CCDC33: variants seen among roughly 807,000 people sequenced by gnomAD.
CCDC33 encodes the protein coiled-coil domain containing 33.
A neutral mutation model predicts 91.9 loss-of-function variants in CCDC33; 94 were observed. The ratio of observed to expected loss-of-function variants is 1.02; its 90% CI spans 0.87 to 1.21. The LOEUF is 1.21. Ranked by LOEUF, CCDC33 falls within the 50% of genes most tolerant of loss-of-function variation. The pLI, the probability that CCDC33 is intolerant of heterozygous loss-of-function variation, is 0.00. For missense variants in CCDC33, 940 were observed against 935.5 expected (o/e 1.00, Z -0.06); for synonymous variants, 396 against 374.5 (o/e 1.06, Z -0.66).
upstream of CCDC33, among the ~76,000 whole-genome samples, chr15:74,232,945 C>A (rs992360585): frequency 6.6e-6 from 1 of 152,224 alleles, no homozygotes; most frequent in Admixed American, 6.5e-5. Context: ...GACCAGATAT[C>A]ATCCCAGGCC....
chr15:74,306,925 C>G (rs1022566906), intron 11 of CCDC33, among the ~76,000 whole-genome samples: 9 of 152,212 alleles, frequency 5.9e-5, no homozygotes, highest in Non-Finnish European at 1.3e-4. Flanking sequence ...GACCCCTCCC[C>G]TCCTGGGCCT....
Position 74,288,348 on chromosome 15 carries a change from G to A in CCDC33, c.1095+6499G>A, listed in dbSNP as rs571452316. ...TTCCTCTTCCTCTTTGTAGCACTTGGTTTCTGATTCTTGTCCTGCTGATTG... is the reference window on the plus strand; with the variant it reads ...TTCCTCTTCCTCTTTGTAGCACTTGATTTCTGATTCTTGTCCTGCTGATTG... On this transcript the variant is annotated intron_variant, in intron 10 of 18. Transcript: ENST00000398814. 3.3e-5 allele frequency among the ~76,000 whole-genome samples: 5 copies of A among 152,242 alleles called. No individual in the cohort carries two copies. In the South Asian group the frequency reaches 6.2e-4, roughly 19 times the overall value.
rs147532516 is a variant in CCDC33 at position 74,316,735 on chromosome 15, C to T, written c.1291-13454C>T. Among the ~76,000 whole-genome samples the T allele has an allele frequency of 3.3e-4, 51 of 152,294 alleles. No individual in the cohort carries two copies. The highest frequency in any genetic ancestry group is 1.2e-3 in the African/African-American group (51 of 41,554). On this transcript the variant is annotated intron_variant, in intron 11 of 18. Transcript: ENST00000398814. The surrounding 1 kb of genome is among the most constrained non-coding windows in gnomAD (Gnocchi z 4.7). The stretch of plus-strand genomic sequence containing the variant: ...TGGAGGGGTGCTAGACCCTCCAGAG[C>T]CCCTCATGAGAGTTGCACAGAGGAG...
chr15:74,259,649 G>A (rs1195045480), intron 2 of CCDC33, among the ~76,000 whole-genome samples: 1 of 152,154 alleles, frequency 6.6e-6, no homozygotes, highest in Admixed American at 6.5e-5. Flanking sequence ...TCTGCTGGAG[G>A]AAAGTCAGCA....
chr15:74,318,659 G>A, intron 11 of CCDC33: 2 of 769,798 alleles, frequency 2.6e-6, no homozygotes, highest in Middle Eastern at 2.3e-4. Context: ...CAGCTTCTCT[G>A]TAAGTCGCCC....
At chr15:74,226,613 G>C (rs761083411) in intron 2 of CCDC33, among the ~76,000 whole-genome samples, 1 of 152,124 alleles carries the variant, frequency 6.6e-6, no homozygotes, top group Non-Finnish European at 1.5e-5. Context: ...CAGATCACAA[G>C]GTCAAGAGTT....
intron 11 of CCDC33, among the ~76,000 whole-genome samples, chr15:74,323,347 C>CATAATTTATA (rs763046915): frequency 3.9e-4 from 59 of 151,934 alleles, no homozygotes; most frequent in Admixed American, 7.2e-4. Context: ...ACATATAGAA[C>CATAATTTATA]ATAATTATTA....
chr15:74,210,850 C>G (rs2074356705), intron 2 of CCDC33, among the ~76,000 whole-genome samples: 1 of 152,154 alleles, frequency 6.6e-6, no homozygotes, highest in African/African-American at 2.4e-5. Flanking sequence ...GAGAGGTGTT[C>G]TCTTTACCCC....
chr15:74,278,024 A>G (rs558515717), intron 7 of CCDC33, among the ~76,000 whole-genome samples: 1 of 152,172 alleles, frequency 6.6e-6, no homozygotes, highest in Non-Finnish European at 1.5e-5. Context: ...TTTGGGGATC[A>G]ATCTTGAAAG....
chr15:74,332,870 G>A, intron 16 of CCDC33, 25 bp downstream of exon 16: 1 of 1,606,816 alleles, frequency 6.2e-7, no homozygotes, highest in South Asian at 1.1e-5. Flanking sequence ...ACCTGGGCCT[G>A]CCTATGCCGG....
At chr15:74,311,625 G>A (rs1456862657) in intron 11 of CCDC33, 1 of 152,248 alleles carries the variant, frequency 6.6e-6, no homozygotes, top group Non-Finnish European at 1.5e-5. Context: ...ATTCAAGCTG[G>A]TGTTAGGGGA....
chr15:74,264,543 G>T (rs766336002), intron 3 of CCDC33, among the ~76,000 whole-genome samples: 3 of 152,108 alleles, frequency 2.0e-5, no homozygotes, highest in Non-Finnish European at 4.4e-5. Flanking sequence ...GTTCAACCTT[G>T]GCAAATCCCA....
At chr15:74,257,528 G>A (rs535052673) in intron 2 of CCDC33, among the ~76,000 whole-genome samples, 2 of 152,296 alleles carry the variant, frequency 1.3e-5, no homozygotes, top group African/African-American at 4.8e-5. Context: ...CCTCCTGCCT[G>A]CCTGGCTTCA....
intron 11 of CCDC33, among the ~76,000 whole-genome samples, chr15:74,296,813 C>T (rs2059696947): frequency 6.6e-6 from 1 of 152,108 alleles, no homozygotes; most frequent in Admixed American, 6.6e-5. Context: ...GCCCTCGATG[C>T]AGAGAGCTAA....
rs752405716 is a variant in CCDC33, at chr15:74,218,746, G to A, written c.560G>A (p.Ser187Asn). 7.8e-7 allele frequency: 1 copy of A among 1,289,778 alleles called. No individual in the cohort carries two copies. The highest frequency in any genetic ancestry group is 5.6e-5 in the East Asian group (1 of 18,014). The allele number at this position is 1,289,778 out of a possible 1,614,324, so 79.9% of individuals were successfully genotyped here. A position where few individuals can be genotyped will look rare whatever the true frequency, so the allele number is the denominator to read the frequency against. ...CGACACTGTGGGAGCCTGGCCTACA[G>A]TGTGGCCTTCCACGTCCACCGGGGC... Residue 187 changes from serine to asparagine, a missense_variant, in exon 2 of 3, where the codon AGT (serine) becomes AAT (asparagine). Physicochemically the swap from Ser to Asn is conservative, Grantham distance 46. Coordinates refer to the CCDC33 transcript ENST00000635913. This position sits in a 1 kb window ranked among gnomAD's most constrained non-coding sequence, Gnocchi z 4.8.
rs2074501215 is a variant in CCDC33, at chr15:74,218,330, G to A, written c.311-167G>A. ...AGCAAAGGGAGGGAGCCATGGGTGG[G>A]GCCTAGGAGGGAGTCGCCTACCAGG... On this transcript the variant is annotated intron_variant, in intron 1 of 2. Coordinates refer to the CCDC33 transcript ENST00000635913. The surrounding 1 kb of genome is among the most constrained non-coding windows in gnomAD (Gnocchi z 4.8). 6.6e-6 allele frequency among the ~76,000 whole-genome samples: 1 copy of A among 152,132 alleles called. No homozygotes were observed. Among genetic ancestry groups the A allele is most frequent in the Non-Finnish European group, 1.5e-5 (1 of 68,012 alleles).
At chr15:74,324,195 T>A (rs908639229) in intron 11 of CCDC33, among the ~76,000 whole-genome samples, 4 of 151,838 alleles carry the variant, frequency 2.6e-5, no homozygotes, top group Admixed American at 1.3e-4. Flanking sequence ...CTGGCCTAAA[T>A]TTTCTATTTT....
At chr15:74,269,658 G>A (rs931292620) in intron 5 of CCDC33, among the ~76,000 whole-genome samples, 1 of 152,186 alleles carries the variant, frequency 6.6e-6, no homozygotes, top group African/African-American at 2.4e-5. Flanking sequence ...TAGGGCTGCT[G>A]TGGAGCTGCC....
chr15:74,229,058 G>A (rs544301638), intron 2 of CCDC33, among the ~76,000 whole-genome samples: 1 of 152,290 alleles, frequency 6.6e-6, no homozygotes, highest in African/African-American at 2.4e-5. Flanking sequence ...CCTGTCCAGT[G>A]GGCGAGGTAC....
Sources: allele counts gnomAD v4.1 joint callset (sites outside exome capture counted in the v4.1 genomes callset), GRCh38; gene constraint gnomAD v4.1.1; non-coding constraint Gnocchi (gnomAD v3.1); transcripts MANE v1.5; gene names NCBI Gene and HGNC (gene_info 2026-07-23, HGNC 2026-07-21).